WASF3: variants seen among roughly 807,000 people sequenced by gnomAD.
WASF3 encodes WASP family member 3.
In WASF3, 11 loss-of-function variants were observed where a neutral mutation model predicts 46.6. The ratio of observed to expected loss-of-function variants is 0.24; its 90% CI spans 0.15 to 0.39. WASF3 has a LOEUF of 0.39. Among genes scored for constraint, WASF3 ranks in the 10% least tolerant of loss-of-function variants. The pLI is 1.00. For synonymous variants in WASF3, 242 were observed against 259.7 expected, an observed-to-expected ratio of 0.93 and a Z score of 0.65; for missense variants, 576 against 669.8, an observed-to-expected ratio of 0.86 and a Z score of 1.55.
At chr13:26,582,490 A>G (rs559242536) in intron 1 of WASF3, among the ~76,000 whole-genome samples, 16 of 152,158 alleles carry the variant, frequency 1.1e-4, no homozygotes, top group African/African-American at 3.9e-4. Flanking sequence ...AGCCTGGGCA[A>G]CACAGTGAAA....
intron 1 of WASF3, among the ~76,000 whole-genome samples, chr13:26,561,098 G>C (rs547437385): frequency 4.6e-5 from 7 of 152,262 alleles, no homozygotes. Flanking sequence ...GCAGGGAAGT[G>C]GCAAGAAGTG....
rs560206726 is a variant in WASF3, at chr13:26,597,686, A to G, written c.-108-15275A>G. On this transcript the variant is annotated intron_variant, in intron 1 of 9. Coordinates refer to ENST00000335327, the MANE Select transcript of WASF3 (RefSeq NM_006646.6). ...TGTGTCCATGTGTTCTCATTGTTCAATTCCCACCTATGAGTGAGAACGTGC... is the reference window on the plus strand; with the variant it reads ...TGTGTCCATGTGTTCTCATTGTTCAGTTCCCACCTATGAGTGAGAACGTGC... Among the ~76,000 whole-genome samples the G allele has an allele frequency of 4.2e-3, 635 of 152,058 alleles. 5 individuals are homozygous for G. Among genetic ancestry groups the G allele is most frequent in the Non-Finnish European group, 5.3e-3 (357 of 67,992 alleles).
intron 1 of WASF3, among the ~76,000 whole-genome samples, chr13:26,597,927 C>T (rs1301768411): frequency 1.8e-4 from 28 of 152,092 alleles, no homozygotes; most frequent in Non-Finnish European, 3.1e-4. Context: ...AATAAACATA[C>T]GTGTGCATGT....
intron 2 of WASF3, among the ~76,000 whole-genome samples, chr13:26,624,784 A>G (rs1163496579): frequency 6.6e-6 from 1 of 152,236 alleles, no homozygotes; most frequent in Non-Finnish European, 1.5e-5. Flanking sequence ...TAAGAATAAC[A>G]GCAGACTTCT....
chr13:26,639,241 C>T (rs903981759), intron 2 of WASF3, among the ~76,000 whole-genome samples: 3 of 152,206 alleles, frequency 2.0e-5, no homozygotes, highest in Non-Finnish European at 2.9e-5. Context: ...AGCATGGCCT[C>T]TCTCTCTTGT....
At chr13:26,681,461 A>G in intron 8 of WASF3, 141 bp downstream of exon 8, 1 of 1,057,656 alleles carries the variant, frequency 9.5e-7, no homozygotes, top group Non-Finnish European at 1.3e-6. Context: ...TAGCAACTCT[A>G]ACATTCTGTG....
chr13:26,561,448 G>A lies in WASF3; in HGVS notation c.-109+3629G>A, dbSNP rs564965188. On this transcript the variant is annotated intron_variant, in intron 1 of 9. Coordinates refer to ENST00000335327, the MANE Select transcript of WASF3 (RefSeq NM_006646.6). ...GGGACAGAGCAGCATCCATTTTGGG[G>A]AAAAGATTATGGGTCACACTTGGCT... Among the ~76,000 whole-genome samples the A allele has an allele frequency of 5.3e-5, 8 of 152,162 alleles. No individual in the cohort carries two copies. In the South Asian group the frequency reaches 1.7e-3, roughly 32 times the overall value.
rs77796252 is a variant in WASF3 at position 26,561,518 on chromosome 13, G to T, written c.-109+3699G>T. Among the ~76,000 whole-genome samples the T allele has an allele frequency of 5.5e-3, 835 of 152,280 alleles. 5 individuals carry two copies. Among genetic ancestry groups the T allele is most frequent in the African/African-American group, 0.018 (763 of 41,550 alleles). On this transcript the variant is annotated intron_variant, in intron 1 of 9. Coordinates refer to ENST00000335327, the MANE Select transcript of WASF3 (RefSeq NM_006646.6). ...GAGGGGACAGTGTGTTCAGTTGGCTGCACTAGGGATCCAGATAATCAGGAG... is the reference window on the plus strand; with the variant it reads ...GAGGGGACAGTGTGTTCAGTTGGCTTCACTAGGGATCCAGATAATCAGGAG...
At chr13:26,637,504 C>A (rs1162167841) in intron 2 of WASF3, among the ~76,000 whole-genome samples, 1 of 152,202 alleles carries the variant, frequency 6.6e-6, no homozygotes, top group African/African-American at 2.4e-5. Flanking sequence ...CCATCCAATT[C>A]AGATGGTGGC....
chr13:26,574,908 C>T (rs1879748087), intron 1 of WASF3, among the ~76,000 whole-genome samples: 2 of 151,168 alleles, frequency 1.3e-5, no homozygotes, highest in African/African-American at 4.9e-5. Context: ...GCGATCTCGG[C>T]TCACTGCAAG....
chr13:26,630,316 CA>C (rs1211591333), intron 2 of WASF3, among the ~76,000 whole-genome samples: 1 of 152,140 alleles, frequency 6.6e-6, no homozygotes, highest in Admixed American at 6.5e-5. Context: ...CCCAGCCCCC[CA>C]ACCCCCAACA....
intron 2 of WASF3, among the ~76,000 whole-genome samples, chr13:26,636,211 A>G (rs1881814658): frequency 6.6e-6 from 1 of 152,212 alleles, no homozygotes; most frequent in South Asian, 2.1e-4. Flanking sequence ...CTCAAGCCTC[A>G]GCAATGGCGG....
At position 26,679,984 on chromosome 13, in the gene WASF3, A is replaced by C. The variant is rs1299091891; in HGVS notation, c.717-1070A>C. On this transcript the variant is annotated intron_variant, in intron 7 of 9. Transcript: ENST00000335327. This position sits in a 1 kb window ranked among gnomAD's most constrained non-coding sequence, Gnocchi z 4.8. Reference sequence around the variant, plus strand: ...TCCCAAAGATGGAAATGCAGCGTGCATCTTCCCTGCTCCCTCAGCACCCCC... The same window carrying C: ...TCCCAAAGATGGAAATGCAGCGTGCCTCTTCCCTGCTCCCTCAGCACCCCC... 6.4e-7 allele frequency: 1 copy of C among 1,567,970 alleles called. No individual in the cohort carries two copies. Among genetic ancestry groups the C allele is most frequent in the Non-Finnish European group, 8.6e-7 (1 of 1,164,060 alleles).
intron 1 of WASF3, among the ~76,000 whole-genome samples, chr13:26,596,359 T>C (rs970050638): frequency 3.3e-5 from 5 of 152,104 alleles, no homozygotes; most frequent in African/African-American, 1.2e-4. Context: ...AAGCTAGTTT[T>C]GAGAGTTCTC....
chr13:26,675,027 T>G (rs983291233), intron 6 of WASF3, among the ~76,000 whole-genome samples: 1 of 152,216 alleles, frequency 6.6e-6, no homozygotes, highest in Non-Finnish European at 1.5e-5. Flanking sequence ...CCGGGATGCC[T>G]CTGAAAACGG....
At chr13:26,669,485 A>G (rs1423407152) in intron 5 of WASF3, among the ~76,000 whole-genome samples, 1 of 149,356 alleles carries the variant, frequency 6.7e-6, no homozygotes, top group Non-Finnish European at 1.5e-5. Flanking sequence ...TTGTCTTAAT[A>G]TAAGAAGTAC....
chr13:26,589,088 C>G (rs1025885100), intron 1 of WASF3, among the ~76,000 whole-genome samples: 5 of 152,192 alleles, frequency 3.3e-5, no homozygotes, highest in African/African-American at 9.7e-5. Context: ...GCTACTGTGC[C>G]TGGCCCTGTA....
chr13:26,546,382 T>C, the WASF3 span, among the ~76,000 whole-genome samples: 1 of 152,182 alleles, frequency 6.6e-6, no homozygotes, highest in Non-Finnish European at 1.5e-5. Context: ...TTTGCAATAA[T>C]GAGAAAAAAC....
intron 1 of WASF3, chr13:26,606,924 A>C (rs550809829): frequency 1.1e-4 from 16 of 152,344 alleles, no homozygotes; most frequent in African/African-American, 3.4e-4. Flanking sequence ...GTGCATGCAC[A>C]TGAGAGAGAG....
Sources: gnomAD v4.1 joint callset for allele counts (sites outside exome capture counted in the v4.1 genomes callset) on GRCh38, gnomAD v4.1.1 for gene constraint, Gnocchi (gnomAD v3.1) non-coding constraint, MANE v1.5 for transcripts, NCBI Gene and HGNC (gene_info 2026-07-23, HGNC 2026-07-21) for gene names.